Variants in PPFIBP2 observed in about 807,000 individuals in gnomAD.
The protein encoded by PPFIBP2 is liprin-beta-2.
In PPFIBP2, 118 loss-of-function variants were observed where a neutral mutation model predicts 118.3. The ratio of observed to expected loss-of-function variants is 1.00; its 90% CI spans 0.86 to 1.16. The LOEUF (loss-of-function observed/expected upper bound fraction) is 1.16. PPFIBP2 is among the 50% of genes most tolerant of loss of function. The probability of loss-of-function intolerance (pLI) is 0.00; values close to 1 mark genes in which losing one functional copy is unlikely to be tolerated. For synonymous variants in PPFIBP2, 414 were observed against 397.4 expected (o/e 1.04, Z -0.50); for missense variants, 1,195 against 1,073.1 (o/e 1.11, Z -1.59).
intron 10 of PPFIBP2, among the ~76,000 whole-genome samples, chr11:7,630,049 C>T (rs1472723868): frequency 6.6e-6 from 1 of 152,228 alleles, no homozygotes; most frequent in Non-Finnish European, 1.5e-5. Flanking sequence ...AGACTGAATG[C>T]AACATGCAAG....
intron 5 of PPFIBP2, among the ~76,000 whole-genome samples, chr11:7,600,493 G>A (rs1361778708): frequency 6.6e-6 from 1 of 152,224 alleles, no homozygotes; most frequent in East Asian, 1.9e-4. Context: ...TGGGCTGCAG[G>A]GCCCTTGGCT....
At chr11:7,639,153 C>G (rs1291921537) in intron 14 of PPFIBP2, among the ~76,000 whole-genome samples, 1 of 152,158 alleles carries the variant, frequency 6.6e-6, no homozygotes, top group Non-Finnish European at 1.5e-5. Flanking sequence ...TGCAGTTGGT[C>G]AGGCCCTCAC....
chr11:7,597,883 C>T (rs1284575772), intron 5 of PPFIBP2: 1 of 529,310 alleles, frequency 1.9e-6, no homozygotes, highest in Non-Finnish European at 3.4e-6. Flanking sequence ...AAGGGCTGCC[C>T]TGAGATGAAT....
intron 7 of PPFIBP2, among the ~76,000 whole-genome samples, chr11:7,623,256 G>A (rs1362044385): frequency 4.6e-5 from 7 of 152,170 alleles, no homozygotes; most frequent in Non-Finnish European, 8.8e-5. Flanking sequence ...TGCAATGGCA[G>A]TAGGGCATGG....
intron 5 of PPFIBP2, among the ~76,000 whole-genome samples, chr11:7,603,144 A>T (rs1261143861): frequency 6.6e-6 from 1 of 152,212 alleles, no homozygotes; most frequent in Non-Finnish European, 1.5e-5. Context: ...TGGGAACACA[A>T]ATCTGTCTGA....
chr11:7,581,602 T>C (rs1411340129), intron 3 of PPFIBP2, among the ~76,000 whole-genome samples: 1 of 152,078 alleles, frequency 6.6e-6, no homozygotes, highest in Non-Finnish European at 1.5e-5. Flanking sequence ...GGAGGTCTCC[T>C]CACTCCAGAC....
At chr11:7,583,468 A>G (rs1037246512) in intron 3 of PPFIBP2, among the ~76,000 whole-genome samples, 2 of 152,200 alleles carry the variant, frequency 1.3e-5, no homozygotes, top group African/African-American at 4.8e-5. Context: ...GACTCAGTGC[A>G]TCTATTGGAG....
intron 1 of PPFIBP2, among the ~76,000 whole-genome samples, chr11:7,519,195 CG>C (rs1164435744): frequency 1.4e-4 from 22 of 151,992 alleles, no homozygotes; most frequent in African/African-American, 5.1e-4. Flanking sequence ...AGGAGGCTTG[CG>C]GGGTTAAAGA....
intron 5 of PPFIBP2, among the ~76,000 whole-genome samples, chr11:7,603,126 T>C (rs1846876824): frequency 1.3e-5 from 2 of 152,234 alleles, no homozygotes; most frequent in South Asian, 4.1e-4. Context: ...GCTGTGTACA[T>C]GTTCCGGTGG....
chr11:7,557,706 A>G (rs12361236), intron 2 of PPFIBP2, among the ~76,000 whole-genome samples: 23,935 of 151,972 alleles, frequency 0.16, 1,912 homozygotes, highest in South Asian at 0.17. Flanking sequence ...CTTTGTTTCT[A>G]TCATTTTGAG....
Position 7,648,485 on chromosome 11 carries a change from G to C in PPFIBP2, c.1745G>C (p.Trp582Ser). ...CAGTATGTGATCTTTGCCAGGCAGT[G>C]GGTATCTTCTGGCCACACCTTATTG... ...LAQYVIFARQ[W>S]VSSGHTLLTA... The change falls in exon 18 of 24, where the codon TGG (tryptophan) becomes TCG (serine). Residue 582 changes from tryptophan (W) to serine (S), a missense_variant. Trp to Ser is a radical substitution (Grantham distance 177, BLOSUM62 -3). Transcript: ENST00000299492. The C allele has an allele frequency of 1.9e-6, 3 of 1,614,060 alleles. No homozygotes were observed. Among genetic ancestry groups the C allele is most frequent in the Non-Finnish European group, 2.5e-6 (3 of 1,180,014 alleles).
chr11:7,634,388 T>A, intron 12 of PPFIBP2, 107 bp from the exon 13 acceptor site: 1 of 891,732 alleles, frequency 1.1e-6, no homozygotes, highest in Non-Finnish European at 1.8e-6. Context: ...TTCTTGACTT[T>A]GAACCTAAGC....
intron 3 of PPFIBP2, chr11:7,571,755 T>G (rs1381399900): frequency 6.6e-6 from 1 of 152,300 alleles, no homozygotes; most frequent in East Asian, 1.9e-4. Context: ...GTCCGTGCTT[T>G]CTTTCTGCGC....
intron 3 of PPFIBP2, among the ~76,000 whole-genome samples, chr11:7,567,256 A>G (rs752805143): frequency 6.6e-6 from 1 of 152,252 alleles, no homozygotes; most frequent in South Asian, 2.1e-4. Flanking sequence ...TCCATCAACA[A>G]TATTTTTTAG....
Position 7,616,777 on chromosome 11 carries a change from C to T in PPFIBP2, c.619-4158C>T, listed in dbSNP as rs532839507. ...GAGAGAGGACGTGTTTGTGTGTGTG[C>T]CCCAGTGTGCACCCATCTCTGCTAT... On this transcript the variant is annotated intron_variant, in intron 6 of 23. Coordinates refer to ENST00000299492, the MANE Select transcript of PPFIBP2 (RefSeq NM_003621.5). This position sits in a 1 kb window ranked among gnomAD's most constrained non-coding sequence, Gnocchi z 5.2. Among the ~76,000 whole-genome samples the T allele has an allele frequency of 1.5e-4, 23 of 151,726 alleles. No individual in the cohort carries two copies. Among genetic ancestry groups the T allele is most frequent in the Non-Finnish European group, 3.1e-4 (21 of 67,988 alleles).
chr11:7,666,401 G>A, the PPFIBP2 span: 2 of 1,220,278 alleles, frequency 1.6e-6, no homozygotes, highest in African/African-American at 1.5e-5. Flanking sequence ...CCTCAAAGTG[G>A]TCAAGGGTTG....
downstream of PPFIBP2, chr11:7,656,888 A>ACAC (rs1854739843): frequency 8.1e-6 from 8 of 982,600 alleles, no homozygotes; most frequent in South Asian, 1.1e-4. Flanking sequence ...CCCCCTCTGC[A>ACAC]AGCCCAGTCC....
At chr11:7,553,334 C>G (rs1853214412) in intron 2 of PPFIBP2, among the ~76,000 whole-genome samples, 1 of 152,140 alleles carries the variant, frequency 6.6e-6, no homozygotes, top group Non-Finnish European at 1.5e-5. Flanking sequence ...TTATTCAACA[C>G]TGAGGTTACT....
chr11:7,527,979 A>G (rs1850373105), intron 1 of PPFIBP2, among the ~76,000 whole-genome samples: 1 of 152,210 alleles, frequency 6.6e-6, no homozygotes, highest in Non-Finnish European at 1.5e-5. Flanking sequence ...CAGGGCTTTA[A>G]CTGAGGAGGA....
Sources: gnomAD v4.1 joint callset for allele counts (sites outside exome capture counted in the v4.1 genomes callset) on GRCh38, gnomAD v4.1.1 for gene constraint, Gnocchi (gnomAD v3.1) non-coding constraint, MANE v1.5 for transcripts, NCBI Gene and HGNC (gene_info 2026-07-23, HGNC 2026-07-21) for gene names.